Variants in NLRP8 observed in about 807,000 individuals in gnomAD.
NLRP8 encodes the protein NLR family pyrin domain containing 8.
NLRP8 carries 86 observed loss-of-function variants against 88.7 expected under a neutral mutation model. The ratio of observed to expected loss-of-function variants is 0.97; its 90% CI spans 0.81 to 1.16. The LOEUF is 1.16. Ranked by LOEUF, NLRP8 falls within the 50% of genes most tolerant of loss-of-function variation. The probability of loss-of-function intolerance (pLI) is 0.00; values close to 1 mark genes in which losing one functional copy is unlikely to be tolerated. For missense variants in NLRP8, 1,342 were observed against 1,286.5 expected (o/e 1.04, Z -0.66); for synonymous variants, 504 against 494.6 (o/e 1.02, Z -0.25).
rs1419794312 is a variant in NLRP8, at chr19:55,988,528, C to T, written c.*615C>T. 1 of 147,566 alleles carries T rather than the reference C, an allele frequency of 6.8e-6. No individual in the cohort carries two copies. The highest frequency in any genetic ancestry group is 1.5e-5 in the Non-Finnish European group (1 of 67,486). 9.1% of individuals were successfully genotyped at this position (147,566 alleles called of 1,614,324 possible). A position where few individuals can be genotyped will look rare whatever the true frequency, so the allele number is the denominator to read the frequency against. On this transcript the variant is annotated 3_prime_UTR_variant, in exon 10 of 10. Coordinates refer to ENST00000291971, the MANE Select transcript of NLRP8 (RefSeq NM_176811.2). ...ACCTAAGACAGGATATAGACAAAGTCTTCATCGTCTTCTTGCTTCTTCTAC... is the reference window on the plus strand; with the variant it reads ...ACCTAAGACAGGATATAGACAAAGTTTTCATCGTCTTCTTGCTTCTTCTAC...
intron 7 of NLRP8, among the ~76,000 whole-genome samples, chr19:55,974,566 C>T (rs528164689): frequency 6.6e-6 from 1 of 151,984 alleles, no homozygotes; most frequent in African/African-American, 2.4e-5. Context: ...GAAACCCCGT[C>T]TCTACTAAAA....
rs375158602 is a variant in NLRP8, at chr19:55,966,584, CGAGGTA to C, written c.2381+208_2381+213del. Among the ~76,000 whole-genome samples, 448 of 152,202 alleles carry C rather than the reference CGAGGTA, an allele frequency of 2.9e-3. 1 individual carries two copies. The highest frequency in any genetic ancestry group is 0.01 in the African/African-American group (422 of 41,528). On this transcript the variant is annotated intron_variant, in intron 5 of 9. Coordinates refer to ENST00000291971, the MANE Select transcript of NLRP8 (RefSeq NM_176811.2). ...TTGGGAGGCTGAGGCGGGAGGATCA[CGAGGTA>C]GAGACCAACCTGGCCAACATGGTGA...
chr19:55,961,394 T>G (rs1979602439), intron 3 of NLRP8, among the ~76,000 whole-genome samples: 1 of 152,230 alleles, frequency 6.6e-6, no homozygotes. Flanking sequence ...AATTTTTCCT[T>G]TATTCTGATC....
rs61734100 is a variant in NLRP8, at chr19:55,976,253, C to G, written c.2826C>G (p.Ile942Met). The change falls in exon 8 of 10, where the codon ATC (isoleucine) becomes ATG (methionine). Residue 942 changes from isoleucine to methionine, a missense_variant. By Grantham distance (10) the Ile-to-Met change is conservative (BLOSUM62 1). Coordinates refer to ENST00000291971, the MANE Select transcript of NLRP8 (RefSeq NM_176811.2). ...ATAGCCTGAAGGATGATGGGGTGAT[C>G]CTGCTGTGTGAGGCCCTGAAGAACC... 1,881 of 1,613,394 alleles carry G rather than the reference C, an allele frequency of 1.2e-3. 1 individual carries two copies. Among genetic ancestry groups the G allele is most frequent in the Non-Finnish European group, 1.5e-3 (1,749 of 1,179,904 alleles).
At position 55,987,855 on chromosome 19, in the gene NLRP8, C is replaced by T. The variant is rs369976554; in HGVS notation, c.3089C>T (p.Thr1030Ile). The T allele has an allele frequency of 4.7e-5, 76 of 1,614,000 alleles. No homozygotes were observed. Among genetic ancestry groups the T allele is most frequent in the Non-Finnish European group, 5.9e-5 (70 of 1,180,016 alleles). ...ACTCGAATAACTAGCTTCTCCCCAA[C>T]TCCTCACCCACCCGACTTCACGGGA... The change falls in exon 10 of 10, where the codon ACT becomes ATT. Residue 1030 changes from threonine (T) to isoleucine (I), a missense_variant. Thr to Ile is a moderately conservative substitution (Grantham distance 89, BLOSUM62 -1). Coordinates refer to ENST00000291971, the MANE Select transcript of NLRP8 (RefSeq NM_176811.2).
In NLRP8 at chr19:55,979,737, C is replaced by A. The variant is rs368261659; in HGVS notation, c.3047+173C>A. ...GTTCAGACCAGCCTGGGCAACATTG[C>A]AAAACCCTGTCTTCTACTAAAAAAT... On this transcript the variant is annotated intron_variant, in intron 9 of 9. Transcript: ENST00000291971. 1.1e-4 allele frequency among the ~76,000 whole-genome samples: 17 copies of A among 151,994 alleles called. No individual in the cohort carries two copies. In the East Asian group the frequency reaches 2.1e-3, roughly 19 times the overall value.
At chr19:55,962,709 G>A (rs1979669887) in intron 4 of NLRP8, among the ~76,000 whole-genome samples, 1 of 152,184 alleles carries the variant, frequency 6.6e-6, no homozygotes, top group South Asian at 2.1e-4. Context: ...GAGCCCAGGA[G>A]GCAGAGGTTG....
rs1231935281 is a variant in NLRP8 at position 55,948,187 on chromosome 19, A to G, written c.285A>G (p.Arg95=). Residue 95 remains arginine, a synonymous_variant, in exon 1 of 10, where the codon CGA becomes CGG. Coordinates refer to ENST00000291971, the MANE Select transcript of NLRP8 (RefSeq NM_176811.2). Reference sequence around the variant, plus strand: ...TCTTGATAGAGCGTTTCCCTGGACGACGCGCTTGGGATGTGACTTCGAACA... The same window carrying G: ...TCTTGATAGAGCGTTTCCCTGGACGGCGCGCTTGGGATGTGACTTCGAACA... 6.2e-7 allele frequency: 1 copy of G among 1,614,050 alleles called. No homozygotes were observed. Among genetic ancestry groups the G allele is most frequent in the Non-Finnish European group, 8.5e-7 (1 of 1,180,050 alleles).
At chr19:55,968,557 A>C (rs1979942711) in intron 5 of NLRP8, among the ~76,000 whole-genome samples, 1 of 152,196 alleles carries the variant, frequency 6.6e-6, no homozygotes, top group South Asian at 2.1e-4. Flanking sequence ...CCTGGCCAAC[A>C]TGGTGAAACC....
intron 1 of NLRP8, among the ~76,000 whole-genome samples, chr19:55,950,163 C>T (rs1284459642): frequency 6.6e-6 from 1 of 151,722 alleles, no homozygotes; most frequent in East Asian, 1.9e-4. Flanking sequence ...GTAATCCCAG[C>T]ACTTTGGGAG....
Position 55,951,332 on chromosome 19 carries a change from C to T in NLRP8, c.368-1206C>T, listed in dbSNP as rs1471079511. ...AAACAAGTTTTTATATTGATCAGTC[C>T]ATGAAAATGTTGTAACCAGAGACTA... On this transcript the variant is annotated intron_variant, in intron 1 of 9. Coordinates refer to ENST00000291971, the MANE Select transcript of NLRP8 (RefSeq NM_176811.2). 8.5e-5 allele frequency among the ~76,000 whole-genome samples: 13 copies of T among 152,224 alleles called. No homozygotes were observed. In the East Asian group the frequency reaches 2.1e-3, roughly 25 times the overall value.
rs770401932 is a variant in NLRP8 at position 55,955,293 on chromosome 19, G to A, written c.1235G>A (p.Arg412Lys). The stretch of plus-strand genomic sequence containing the variant: ...TCTGGTCTGAAACAGCAAATGGAGA[G>A]AGGAAACAATCTCACACAGTCATGT... Residue 412 changes from arginine to lysine, a missense_variant, in exon 3 of 10, where the codon AGA becomes AAA. Transcript: ENST00000291971. 1.2e-6 allele frequency: 2 copies of A among 1,614,178 alleles called. No homozygotes were observed. The highest frequency in any genetic ancestry group is 8.5e-7 in the Non-Finnish European group (1 of 1,180,036).
At chr19:55,976,793 C>CATATATATGCATAT (rs1568468249) in intron 8 of NLRP8, among the ~76,000 whole-genome samples, 4 of 23,480 alleles carry the variant, frequency 1.7e-4, no homozygotes, top group Admixed American at 3.8e-4. Context: ...TATAAAGATA[C>CATATATATGCATAT]ATGTGGCCAG....
intron 4 of NLRP8, among the ~76,000 whole-genome samples, chr19:55,964,987 T>C (rs538249996): frequency 1.0e-3 from 152 of 152,252 alleles, no homozygotes; most frequent in African/African-American, 3.5e-3. Context: ...TCCCTGGTTT[T>C]AGAAAAGGCG....
intron 9 of NLRP8, among the ~76,000 whole-genome samples, chr19:55,986,804 T>A (rs2060542): frequency 0.56 from 84,891 of 151,876 alleles, 23,922 homozygotes; most frequent in African/African-American, 0.63. Context: ...CTGCTCTTGG[T>A]GGTGAGGTGT....
At chr19:55,957,452 G>A (rs940568426) in intron 3 of NLRP8, among the ~76,000 whole-genome samples, 11 of 151,796 alleles carry the variant, frequency 7.2e-5, no homozygotes, top group Non-Finnish European at 7.4e-5. Context: ...TTGGGAGGCC[G>A]AGGCAGGTGG....
At chr19:55,969,819 A>G (rs1192548434) in intron 5 of NLRP8, among the ~76,000 whole-genome samples, 1 of 152,172 alleles carries the variant, frequency 6.6e-6, no homozygotes, top group Admixed American at 6.5e-5. Flanking sequence ...CCTTTCTTGC[A>G]CAGAACAGAA....
chr19:55,955,415 G>A lies in NLRP8; in HGVS notation c.1357G>A (p.Gly453Ser). The stretch of plus-strand genomic sequence containing the variant: ...AAAGATCCACCAAGCACAACTGGAA[G>A]GTCTGTGTCACTTGGCCGCAGACAG... The change falls in exon 3 of 10, where the codon GGT (glycine) becomes AGT (serine). Residue 453 changes from glycine (G) to serine (S), a missense_variant. Transcript: ENST00000291971. The A allele has an allele frequency of 6.2e-7, 1 of 1,614,204 alleles. No homozygotes were observed. The highest frequency in any genetic ancestry group is 8.5e-7 in the Non-Finnish European group (1 of 1,180,036).
intron 4 of NLRP8, among the ~76,000 whole-genome samples, chr19:55,965,331 G>T (rs944729127): frequency 2.0e-5 from 3 of 151,776 alleles, no homozygotes; most frequent in Non-Finnish European, 1.5e-5. Context: ...GGTGCCTGTA[G>T]TTCCAGCTAC....
Sources: gnomAD v4.1 joint callset for allele counts (sites outside exome capture counted in the v4.1 genomes callset) on GRCh38, gnomAD v4.1.1 for gene constraint, MANE v1.5 for transcripts, NCBI Gene and HGNC (gene_info 2026-07-23, HGNC 2026-07-21) for gene names.